RIF1: variants seen among roughly 807,000 people sequenced by gnomAD.
The protein encoded by RIF1 is replication timing regulatory factor 1.
In RIF1, 45 loss-of-function variants were observed where a neutral mutation model predicts 247.1. The observed-to-expected ratio is 0.18, with a 90% CI of 0.14 to 0.23. The LOEUF (loss-of-function observed/expected upper bound fraction) is 0.23, where lower values mean the gene tolerates loss of function less well. RIF1 is among the 10% of genes least tolerant of loss of function. The pLI is 1.00. For missense variants in RIF1, 2,967 were observed against 2,862.5 expected, an observed-to-expected ratio of 1.04 and a Z score of -0.83; for synonymous variants, 1,087 against 978.8, an observed-to-expected ratio of 1.11 and a Z score of -2.06.
the RIF1 span, chr2:151,519,597 TAAA>T: frequency 7.8e-7 from 1 of 1,278,056 alleles, no homozygotes; most frequent in South Asian, 1.2e-5. Context: ...ATTGCACACT[TAAA>T]AACAGTTAAA....
At chr2:151,447,253 C>T (rs528985075) in intron 20 of RIF1, among the ~76,000 whole-genome samples, 1 of 152,282 alleles carries the variant, frequency 6.6e-6, no homozygotes, top group Non-Finnish European at 1.5e-5. Context: ...TCTTTCTTTC[C>T]CTCCTCATGG....
intron 16 of RIF1, 53 bp from the exon 17 acceptor site, chr2:151,443,206 A>G (rs1692673083): frequency 1.8e-6 from 2 of 1,132,242 alleles, no homozygotes; most frequent in East Asian, 2.4e-5. Context: ...ATTATAAAAA[A>G]CAAATGTTCT....
chr2:151,429,331 C>A (rs1689651518), intron 9 of RIF1, among the ~76,000 whole-genome samples: 1 of 152,096 alleles, frequency 6.6e-6, no homozygotes, highest in Non-Finnish European at 1.5e-5. Flanking sequence ...CAGGTGCCCA[C>A]CACTACACCC....
At position 151,420,370 on chromosome 2, in the gene RIF1, T is replaced by G. The variant is rs754829502; in HGVS notation, c.684T>G (p.Leu228=). ...AAATAGCATCTATTACGGAGCAGCT[T>G]ATGACTACTGTGAGTGTTCTTTTAT... ...QQEIASITEQ[L]MTTKLISELQ... The change falls in exon 7 of 36, where the codon CTT becomes CTG. Residue 228 remains leucine (L), a synonymous_variant. Coordinates refer to ENST00000444746, the MANE Select transcript of RIF1 (RefSeq NM_018151.5). 6.2e-7 allele frequency: 1 copy of G among 1,614,012 alleles called. No individual in the cohort carries two copies. The highest frequency in any genetic ancestry group is 8.5e-7 in the Non-Finnish European group (1 of 1,179,946).
At chr2:151,426,212 T>A (rs538106993) in intron 8 of RIF1, among the ~76,000 whole-genome samples, 2 of 134,594 alleles carry the variant, frequency 1.5e-5, no homozygotes, top group African/African-American at 5.5e-5. Flanking sequence ...ACTGTCCGTG[T>A]CGCCCAGGCT....
chr2:151,463,273 T>G lies in RIF1; in HGVS notation c.3753T>G (p.Asn1251Lys). 6.2e-7 allele frequency: 1 copy of G among 1,612,810 alleles called. No individual in the cohort carries two copies. Among genetic ancestry groups the G allele is most frequent in the Non-Finnish European group, 8.5e-7 (1 of 1,179,714 alleles). Residue 1251 changes from asparagine (N) to lysine (K), a missense_variant, in exon 30 of 36, where the codon AAT (asparagine) becomes AAG (lysine). Asn to Lys is a moderately conservative substitution (Grantham distance 94, BLOSUM62 0). This residue lies in a region of RIF1 where 2,028 missense variants were observed against 1,825.6 expected (regional missense o/e 1.11). Transcript: ENST00000444746. ...TTTCATCAACTGTTACAGTGAAAAA[T>G]AACCAGGAAACCATGATTAAAACAG... is the stretch of plus-strand genomic sequence containing the variant. ...NNISSTVTVK[N>K]NQETMIKTDF...
intron 10 of RIF1, chr2:151,497,067 A>G (rs1410427054): frequency 2.6e-6 from 4 of 1,546,188 alleles, no homozygotes; most frequent in East Asian, 2.4e-5. Context: ...AAAAACAACC[A>G]TGAGTAACAT....
intron 22 of RIF1, 43 bp downstream of exon 22, chr2:151,455,202 A>G (rs1205687880): frequency 4.9e-6 from 7 of 1,432,990 alleles, no homozygotes; most frequent in Non-Finnish European, 6.7e-6. Flanking sequence ...AATGTATACA[A>G]TTTAAATATA....
the RIF1 span, chr2:151,527,379 G>C: frequency 1.0e-6 from 1 of 987,306 alleles, no homozygotes; most frequent in Non-Finnish European, 1.5e-6. Context: ...TCTCAAACGA[G>C]CAAGGGTTAA....
At chr2:151,496,816 A>AAAT in intron 10 of RIF1, 1 of 1,197,970 alleles carries the variant, frequency 8.3e-7, no homozygotes, top group Non-Finnish European at 1.2e-6. Flanking sequence ...AAAAAAGGAT[A>AAAT]AATTTGCTAA....
chr2:151,471,860 T>C (rs914827828), intron 34 of RIF1, among the ~76,000 whole-genome samples: 2 of 152,226 alleles, frequency 1.3e-5, no homozygotes, highest in Admixed American at 1.3e-4. Context: ...CGGGCTCTTT[T>C]TTCGTTGCAT....
chr2:151,512,399 G>T (rs887066755), downstream of RIF1, among the ~76,000 whole-genome samples: 2 of 151,362 alleles, frequency 1.3e-5, no homozygotes, highest in Admixed American at 6.6e-5. Context: ...AGTCACAGCT[G>T]ACTGCAGCCT....
chr2:151,495,348 A>C (rs2059504120), intron 10 of RIF1: 1 of 152,246 alleles, frequency 6.6e-6, no homozygotes, highest in Non-Finnish European at 1.5e-5. Flanking sequence ...GAACTTGTTA[A>C]AAATGCAAAT....
At chr2:151,467,242 G>C (rs1191717013) in intron 30 of RIF1, among the ~76,000 whole-genome samples, 2 of 151,938 alleles carry the variant, frequency 1.3e-5, no homozygotes, top group Admixed American at 6.6e-5. Context: ...AAAAAAAAAT[G>C]TTCTTTCAAA....
the RIF1 span, among the ~76,000 whole-genome samples, chr2:151,522,885 C>T: frequency 3.9e-5 from 6 of 152,184 alleles, no homozygotes; most frequent in African/African-American, 1.4e-4. Flanking sequence ...AGCCCACACA[C>T]AGCTGAAGCG....
chr2:151,452,899 C>A (rs891428303), intron 21 of RIF1, among the ~76,000 whole-genome samples: 1 of 152,152 alleles, frequency 6.6e-6, no homozygotes, highest in Non-Finnish European at 1.5e-5. Context: ...TTTTCCACTC[C>A]GTGTCCATGC....
At chr2:151,495,182 A>G (rs1200364916) in intron 9 of RIF1, 1 of 152,222 alleles carries the variant, frequency 6.6e-6, no homozygotes, top group Admixed American at 6.5e-5. Flanking sequence ...AATGAGAAAC[A>G]TAGTAACACA....
rs1385661114 is a variant in RIF1, at chr2:151,463,711, A to G, written c.4191A>G (p.Gln1397=). The change falls in exon 30 of 36, where the codon CAA becomes CAG. Residue 1397 remains glutamine (Q), a synonymous_variant. Coordinates refer to ENST00000444746, the MANE Select transcript of RIF1 (RefSeq NM_018151.5). ...NTPPVVISAD[Q]MVNEDSQVQI... ...CCCCAGTAGTAATATCAGCAGATCA[A>G]ATGGTAAATGAGGATAGTCAGGTTC... 1 of 1,614,014 alleles carries G rather than the reference A, an allele frequency of 6.2e-7. No homozygotes were observed. Among genetic ancestry groups the G allele is most frequent in the Non-Finnish European group, 8.5e-7 (1 of 1,179,944 alleles).
At chr2:151,493,410 CG>C in intron 9 of RIF1, 1 of 1,607,026 alleles carries the variant, frequency 6.2e-7, no homozygotes, top group Non-Finnish European at 8.5e-7. Flanking sequence ...TAACAGGTGT[CG>C]GAGTTGCTTT....
Sources: gnomAD v4.1 joint callset for allele counts (sites outside exome capture counted in the v4.1 genomes callset) on GRCh38, gnomAD v4.1.1 for gene constraint, gnomAD v4.1.1 regional missense constraint, MANE v1.5 for transcripts, NCBI Gene and HGNC (gene_info 2026-07-23, HGNC 2026-07-21) for gene names.